The following FBXO25 variants were observed in gnomAD, a reference collection of about 807,000 sequenced individuals.
The protein encoded by FBXO25 is F-box only protein 25.
Under a neutral mutation model 51.9 loss-of-function variants are expected in FBXO25, and 45 were observed. The observed-to-expected ratio is 0.87, with a 90% confidence interval of 0.68 to 1.11. The LOEUF is 1.11. Ranked by LOEUF, FBXO25 falls within the 50% of genes most tolerant of loss-of-function variation. The pLI is 0.00. For missense variants in FBXO25, 507 were observed against 428.5 expected (o/e 1.18, Z -1.62); for synonymous variants, 199 against 151.0 (o/e 1.32, Z -2.33).
chr8:468,529 A>G (rs1041050486), intron 9 of FBXO25, among the ~76,000 whole-genome samples, 186 bp from the exon 10 acceptor site: 6 of 152,048 alleles, frequency 3.9e-5, no homozygotes, highest in African/African-American at 1.4e-4. Flanking sequence ...TTCCATGGGA[A>G]ACCTCTATGT....
In FBXO25 at chr8:463,217, A is replaced by G. The variant is rs185807686; in HGVS notation, c.987+67A>G. The G allele has an allele frequency of 1.0e-4, 158 of 1,535,328 alleles. No homozygotes were observed. The Middle Eastern group carries it at 1.7e-3, about 16-fold the overall frequency. ...TTGGTGAAACAAACTAATCACCTAT[A>G]TTTTAAGTATAAGACTAAAAAGCGG... On this transcript the variant is annotated intron_variant, in intron 9 of 9. Transcript: ENST00000350302.
rs1265828030 is a variant in FBXO25, at chr8:469,506, A to C, written c.*702A>C. 6.6e-6 allele frequency: 1 copy of C among 152,260 alleles called. No individual in the cohort carries two copies. The highest frequency in any genetic ancestry group is 1.5e-5 in the Non-Finnish European group (1 of 68,048). 9.4% of individuals were successfully genotyped at this position (152,260 alleles called of 1,614,324 possible). On this transcript the variant is annotated 3_prime_UTR_variant, in exon 10 of 10. Transcript: ENST00000350302. ...GACTGTGATGGGAACAGCCCAGTGC[A>C]GTCTAAACTTCAATTGTGTTGAAAC...
At chr8:441,056 G>A (rs1264719354) in intron 5 of FBXO25, among the ~76,000 whole-genome samples, 48 of 147,906 alleles carry the variant, frequency 3.2e-4, no homozygotes, top group East Asian at 1.4e-3. Context: ...ATACGTGTGC[G>A]TGTGTCTTTA....
Position 435,610 on chromosome 8 carries a change from T to G in FBXO25, c.289-5T>G. On this transcript the variant is annotated splice_region_variant and splice_polypyrimidine_tract_variant and intron_variant, in intron 4 of 9. Coordinates refer to ENST00000350302, the MANE Select transcript of FBXO25 (RefSeq NM_183420.2). ...CTAATTTTAACTTCTGTGTTGCTTT[T>G]CCAGAGGCATGGCTATTGCACCTTG... is the stretch of plus-strand genomic sequence containing the variant. 6.2e-7 allele frequency: 1 copy of G among 1,604,018 alleles called. No individual in the cohort carries two copies. Among genetic ancestry groups the G allele is most frequent in the Non-Finnish European group, 8.5e-7 (1 of 1,178,498 alleles).
At position 477,460 on chromosome 8, in the gene FBXO25, A is replaced by T. The variant is rs1800678583; in HGVS notation, c.*8656A>T. On this transcript the variant is annotated 3_prime_UTR_variant, in exon 10 of 10. Coordinates refer to ENST00000350302, the MANE Select transcript of FBXO25 (RefSeq NM_183420.2). ...CTGATGTTTGGTGCATATATATTAC[A>T]TCTTGGTGAATTTTCAAACTTTTTA... 1.3e-5 allele frequency: 2 copies of T among 152,230 alleles called. No homozygotes were observed. Among genetic ancestry groups the T allele is most frequent in the Admixed American group, 6.5e-5 (1 of 15,288 alleles). The allele number at this position is 152,230 out of a possible 1,614,324, so 9.4% of individuals were successfully genotyped here.
chr8:434,426 C>T (rs1206523137), intron 4 of FBXO25, among the ~76,000 whole-genome samples: 2 of 152,162 alleles, frequency 1.3e-5, no homozygotes, highest in African/African-American at 4.8e-5. Context: ...TTTCCTTTCC[C>T]CAGAGTTCCC....
intron 4 of FBXO25, among the ~76,000 whole-genome samples, chr8:433,458 C>T (rs1585040637): frequency 6.6e-6 from 1 of 152,146 alleles, no homozygotes; most frequent in East Asian, 1.9e-4. Context: ...GGCAGGGCAT[C>T]TGTGAGCCCT....
chr8:468,241 T>C (rs1157430785), intron 9 of FBXO25: 7 of 1,010,242 alleles, frequency 6.9e-6, no homozygotes, highest in Middle Eastern at 5.0e-4. Context: ...AGGCCGTGTG[T>C]CCCCCTCTCC....
chr8:467,240 G>C (rs1422267104), intron 9 of FBXO25, among the ~76,000 whole-genome samples: 2 of 152,226 alleles, frequency 1.3e-5, no homozygotes, highest in Non-Finnish European at 2.9e-5. Context: ...AGTGTCAGAG[G>C]TGGAGGCTGG....
chr8:413,990 C>G (rs1563060483), intron 2 of FBXO25, among the ~76,000 whole-genome samples: 1 of 152,136 alleles, frequency 6.6e-6, no homozygotes, highest in South Asian at 2.1e-4. Flanking sequence ...AGATAGCCTC[C>G]TCTAGAATGT....
intron 3 of FBXO25, among the ~76,000 whole-genome samples, chr8:432,414 G>T (rs546131497): frequency 6.6e-6 from 1 of 151,928 alleles, no homozygotes; most frequent in Admixed American, 6.5e-5. Context: ...AATTGAAACT[G>T]TAGAAGGTGA....
rs538242847 is a variant in FBXO25, at chr8:407,292, C to T, written c.-8+226C>T. ...AGGTGGGGACCGGGGGCCTCGGGCG[C>T]GTCAGGTGGGGACGGGGTTGTCGCG... On this transcript the variant is annotated intron_variant, in intron 1 of 9. Transcript: ENST00000350302. 8.8e-4 allele frequency: 803 copies of T among 914,014 alleles called. 10 individuals carry two copies. In the African/African-American group the frequency reaches 0.016, roughly 18 times the overall value. 56.6% of individuals were successfully genotyped at this position (914,014 alleles called of 1,614,324 possible).
rs116437565 is a variant in FBXO25 at position 452,693 on chromosome 8, G to A, written c.660+1240G>A. The stretch of plus-strand genomic sequence containing the variant: ...ACCAGACCAGGAAGCAGCCTTTCTT[G>A]TCTGGCTGGGAAGTTCCAGGTAGGA... On this transcript the variant is annotated intron_variant, in intron 7 of 9. Coordinates refer to ENST00000350302, the MANE Select transcript of FBXO25 (RefSeq NM_183420.2). Among the ~76,000 whole-genome samples the A allele has an allele frequency of 7.9e-3, 1,204 of 152,308 alleles. 9 individuals carry two copies. The highest frequency in any genetic ancestry group is 0.027 in the African/African-American group (1,140 of 41,562).
At chr8:464,646 C>T (rs1236806684) in intron 9 of FBXO25, among the ~76,000 whole-genome samples, 2 of 152,202 alleles carry the variant, frequency 1.3e-5, no homozygotes, top group Non-Finnish European at 2.9e-5. Flanking sequence ...AAAGAGACAA[C>T]TGCTTTTCAT....
intron 7 of FBXO25, 27 bp downstream of exon 7, chr8:451,480 T>C (rs374196153): frequency 1.9e-6 from 3 of 1,594,426 alleles, no homozygotes; most frequent in African/African-American, 2.7e-5. Flanking sequence ...ATAAGAGTTA[T>C]TACACTCTGT....
chr8:453,097 C>T (rs1025521094), intron 7 of FBXO25, among the ~76,000 whole-genome samples: 1 of 152,216 alleles, frequency 6.6e-6, no homozygotes, highest in Non-Finnish European at 1.5e-5. Context: ...GGCAATACCT[C>T]TCTGCCTCAG....
chr8:444,350 A>G (rs1232900335), intron 5 of FBXO25, among the ~76,000 whole-genome samples: 1 of 152,194 alleles, frequency 6.6e-6, no homozygotes, highest in Non-Finnish European at 1.5e-5. Context: ...GCACACATGC[A>G]GTGCCAATTT....
chr8:429,697 T>G (rs1220249493), intron 2 of FBXO25, among the ~76,000 whole-genome samples: 1 of 152,192 alleles, frequency 6.6e-6, no homozygotes, highest in Non-Finnish European at 1.5e-5. Flanking sequence ...TTTGTAAAAA[T>G]AGTAGCCTAG....
chr8:436,792 G>C (rs1257730175), intron 5 of FBXO25, among the ~76,000 whole-genome samples: 1 of 152,196 alleles, frequency 6.6e-6, no homozygotes, highest in African/African-American at 2.4e-5. Flanking sequence ...GTAGCTCTCT[G>C]ATAGTTCAGA....
Sources: allele counts gnomAD v4.1 joint callset (sites outside exome capture counted in the v4.1 genomes callset), GRCh38; gene constraint gnomAD v4.1.1; transcripts MANE v1.5; gene names NCBI Gene and HGNC (gene_info 2026-07-23, HGNC 2026-07-21).